RPS6KB1: variants seen among roughly 807,000 people sequenced by gnomAD.
The protein encoded by RPS6KB1 is ribosomal protein S6 kinase B1.
RPS6KB1 carries 12 observed loss-of-function variants against 70.2 expected under a neutral mutation model. That is an observed-to-expected ratio of 0.17 (90% confidence interval 0.11 to 0.28). The LOEUF is 0.28. Among genes scored for constraint, RPS6KB1 ranks in the 10% least tolerant of loss-of-function variants. RPS6KB1 has a pLI of 1.00. For missense variants in RPS6KB1, 270 were observed against 646.6 expected (o/e 0.42, Z 6.32); for synonymous variants, 175 against 211.2 (o/e 0.83, Z 1.49).
chr17:59,907,868 AATTGTTACCTTCATTTCATTTTGGG>A (rs1392192722), intron 1 of RPS6KB1, among the ~76,000 whole-genome samples: 1 of 152,040 alleles, frequency 6.6e-6, no homozygotes, highest in African/African-American at 2.4e-5. Context: ...TTATAAATGG[AATTGTTACCTTCATTTCATTTTGGG>A]ATTGTTCATT....
intron 1 of RPS6KB1, among the ~76,000 whole-genome samples, chr17:59,894,531 G>A (rs1017273152): frequency 6.6e-6 from 1 of 152,174 alleles, no homozygotes; most frequent in Non-Finnish European, 1.5e-5. Flanking sequence ...ACAAAAGATT[G>A]AGATGATGTA....
chr17:59,920,860 G>A (rs769238036), intron 4 of RPS6KB1, among the ~76,000 whole-genome samples: 1 of 152,052 alleles, frequency 6.6e-6, no homozygotes, highest in Non-Finnish European at 1.5e-5. Flanking sequence ...CACCACGCCT[G>A]GCTAATTTTT....
At chr17:59,926,138 G>A (rs1319535880) in intron 4 of RPS6KB1, among the ~76,000 whole-genome samples, 2 of 152,150 alleles carry the variant, frequency 1.3e-5, no homozygotes, top group Non-Finnish European at 2.9e-5. Flanking sequence ...ACAGCCTGGA[G>A]GATGGTAGAC....
chr17:59,902,900 G>A (rs2042042400), intron 1 of RPS6KB1, among the ~76,000 whole-genome samples: 2 of 152,062 alleles, frequency 1.3e-5, no homozygotes, highest in African/African-American at 4.8e-5. Context: ...CTTTTAGAAG[G>A]CTGGGTGTGG....
At chr17:59,912,001 G>A (rs991405211) in intron 2 of RPS6KB1, among the ~76,000 whole-genome samples, 1 of 152,162 alleles carries the variant, frequency 6.6e-6, no homozygotes, top group Non-Finnish European at 1.5e-5. Flanking sequence ...CTGATTTTCT[G>A]CTGACATTGC....
At chr17:59,939,689 C>A (rs1012955008) in intron 12 of RPS6KB1, among the ~76,000 whole-genome samples, 1 of 152,164 alleles carries the variant, frequency 6.6e-6, no homozygotes, top group Non-Finnish European at 1.5e-5. Context: ...ACCACATGGT[C>A]TGGTGTTGTA....
At chr17:59,936,887 C>CT (rs1317619399) in intron 12 of RPS6KB1, among the ~76,000 whole-genome samples, 3 of 152,144 alleles carry the variant, frequency 2.0e-5, no homozygotes, top group Non-Finnish European at 4.4e-5. Context: ...GAGATGGGGT[C>CT]TCACTCTGTC....
intron 1 of RPS6KB1, among the ~76,000 whole-genome samples, chr17:59,895,255 C>T (rs2041467949): frequency 6.7e-6 from 1 of 148,258 alleles, no homozygotes; most frequent in South Asian, 2.1e-4. Flanking sequence ...CTCTTGACCT[C>T]GTAATCTGCC....
intron 4 of RPS6KB1, among the ~76,000 whole-genome samples, chr17:59,917,362 C>T (rs775447598): frequency 7.2e-5 from 11 of 151,816 alleles, no homozygotes; most frequent in African/African-American, 1.2e-4. Flanking sequence ...GTGATCCACC[C>T]GCCTCGGCCA....
intron 1 of RPS6KB1, among the ~76,000 whole-genome samples, chr17:59,905,086 G>T (rs937960665): frequency 2.0e-5 from 3 of 151,728 alleles, no homozygotes; most frequent in African/African-American, 7.3e-5. Context: ...GCGCAATTTT[G>T]GCTCACTGCA....
intron 1 of RPS6KB1, among the ~76,000 whole-genome samples, chr17:59,908,929 T>A (rs1181496942): frequency 6.9e-6 from 1 of 144,878 alleles, no homozygotes; most frequent in African/African-American, 2.6e-5. Context: ...AATTTTTTTT[T>A]TTTTTTTTTT....
intron 12 of RPS6KB1, among the ~76,000 whole-genome samples, chr17:59,939,847 A>C (rs2044473264): frequency 6.6e-6 from 1 of 152,182 alleles, no homozygotes; most frequent in Non-Finnish European, 1.5e-5. Flanking sequence ...TTTTAGTATT[A>C]AGTCAGATAT....
intron 1 of RPS6KB1, among the ~76,000 whole-genome samples, chr17:59,902,540 G>T (rs1179295790): frequency 2.7e-5 from 4 of 150,634 alleles, no homozygotes; most frequent in Admixed American, 2.0e-4. Context: ...TATTCATTCA[G>T]ATGTTCAACT....
At chr17:59,939,779 A>AG (rs2044469458) in intron 12 of RPS6KB1, among the ~76,000 whole-genome samples, 1 of 152,214 alleles carries the variant, frequency 6.6e-6, no homozygotes, top group Non-Finnish European at 1.5e-5. Flanking sequence ...CCATTCCTCC[A>AG]GGGAGTGCAG....
intron 3 of RPS6KB1, among the ~76,000 whole-genome samples, chr17:59,914,398 A>G (rs944852725): frequency 6.6e-6 from 1 of 152,198 alleles, no homozygotes; most frequent in African/African-American, 2.4e-5. Flanking sequence ...TTTATATATT[A>G]ATATAAAGTA....
At chr17:59,912,620 G>T in intron 2 of RPS6KB1, 64 bp from the exon 3 acceptor site, 6 of 1,525,080 alleles carry the variant, frequency 3.9e-6, no homozygotes, top group African/African-American at 1.4e-5. Flanking sequence ...CCTTTTTCTT[G>T]ACTATATGCT....
At chr17:59,928,927 T>C (rs1390705876) in intron 5 of RPS6KB1, among the ~76,000 whole-genome samples, 2 of 152,216 alleles carry the variant, frequency 1.3e-5, no homozygotes, top group Non-Finnish European at 1.5e-5. Flanking sequence ...CATTGTGTCC[T>C]CCTTAATGCA....
intron 7 of RPS6KB1, among the ~76,000 whole-genome samples, chr17:59,933,196 A>G (rs1183017044): frequency 6.7e-6 from 1 of 149,550 alleles, no homozygotes; most frequent in Admixed American, 6.7e-5. Context: ...ATACTCCTCC[A>G]CCCACCTTTT....
chr17:59,911,588 A>G (rs1160812923), intron 2 of RPS6KB1, among the ~76,000 whole-genome samples: 1 of 118,820 alleles, frequency 8.4e-6, no homozygotes, highest in Non-Finnish European at 1.6e-5. Flanking sequence ...TCTTGTTCCC[A>G]GGCTGGAGTG....
Sources: gnomAD v4.1 joint callset for allele counts (sites outside exome capture counted in the v4.1 genomes callset) on GRCh38, gnomAD v4.1.1 for gene constraint, MANE v1.5 for transcripts, NCBI Gene and HGNC (gene_info 2026-07-23, HGNC 2026-07-21) for gene names.